Variants in ADAM20 observed in about 807,000 individuals in gnomAD.
ADAM20 encodes ADAM metallopeptidase domain 20, also known as disintegrin and metalloproteinase domain-containing protein 20.
For synonymous variants in ADAM20, 305 were observed against 310.2 expected (o/e 0.98, Z 0.18); for missense variants, 871 against 883.2 (o/e 0.99, Z 0.18).
the ADAM20 span, among the ~76,000 whole-genome samples, chr14:70,568,202 T>C: frequency 6.6e-6 from 1 of 152,224 alleles, no homozygotes. Context: ...TCCGCTCATA[T>C]GTTCAATACA....
chr14:70,566,736 T>C, the ADAM20 span, among the ~76,000 whole-genome samples: 8 of 152,156 alleles, frequency 5.3e-5, no homozygotes, highest in African/African-American at 1.9e-4. Context: ...TCACAGCATT[T>C]TGGGAGGCCG....
the ADAM20 span, among the ~76,000 whole-genome samples, chr14:70,545,977 C>CA: frequency 2.0e-5 from 3 of 152,086 alleles, no homozygotes; most frequent in Admixed American, 6.5e-5. Flanking sequence ...TGAAAACATT[C>CA]AAAAAACTGA....
chr14:70,569,366 T>C, the ADAM20 span, among the ~76,000 whole-genome samples: 2 of 152,076 alleles, frequency 1.3e-5, no homozygotes, highest in African/African-American at 4.8e-5. Context: ...ATTACACAAT[T>C]GAGACTACAA....
chr14:70,539,157 A>G (rs1883896137), upstream of ADAM20, among the ~76,000 whole-genome samples: 1 of 150,786 alleles, frequency 6.6e-6, no homozygotes, highest in Admixed American at 6.6e-5. Context: ...CACATCACCA[A>G]TTCCTGTAGG....
At chr14:70,524,958 T>C in intron 1 of ADAM20, 25 bp from the exon 2 acceptor site, 1 of 1,528,670 alleles carries the variant, frequency 6.5e-7, no homozygotes. Context: ...ATGGGGTGGG[T>C]GGGATAGAAA....
chr14:70,565,198 C>T, the ADAM20 span, among the ~76,000 whole-genome samples: 2 of 149,936 alleles, frequency 1.3e-5, no homozygotes, highest in African/African-American at 4.9e-5. Context: ...TTTGAAAACT[C>T]GAGGATGGGC....
At chr14:70,578,703 A>C in the ADAM20 span, among the ~76,000 whole-genome samples, 1 of 152,096 alleles carries the variant, frequency 6.6e-6, no homozygotes, top group African/African-American at 2.4e-5. Context: ...CCTGTTTTTT[A>C]AATTTTAGAT....
At chr14:70,555,477 C>G in the ADAM20 span, among the ~76,000 whole-genome samples, 1 of 152,178 alleles carries the variant, frequency 6.6e-6, no homozygotes, top group African/African-American at 2.4e-5. Flanking sequence ...ACACTATTTA[C>G]TGCAGGAATT....
At chr14:70,533,186 G>C (rs1485910102) in intron 1 of ADAM20, among the ~76,000 whole-genome samples, 4 of 152,196 alleles carry the variant, frequency 2.6e-5, no homozygotes, top group Admixed American at 2.6e-4. Flanking sequence ...GTGAAAGACA[G>C]TGTGGCAATT....
the ADAM20 span, among the ~76,000 whole-genome samples, chr14:70,572,646 C>T: frequency 2.6e-4 from 39 of 152,146 alleles, 1 homozygote; most frequent in Admixed American, 1.6e-3. Context: ...GAAACAGTTT[C>T]AACACAGTAA....
At position 70,524,455 on chromosome 14, in the gene ADAM20, A is replaced by G. The variant is rs749821155; in HGVS notation, c.303T>C (p.Asp101=). 2.5e-6 allele frequency: 4 copies of G among 1,614,010 alleles called. No homozygotes were observed. Among genetic ancestry groups the G allele is most frequent in the Non-Finnish European group, 3.4e-6 (4 of 1,179,932 alleles). ...TYTEQHALLQ[D]QPFIQDDCYY... ...AGCAGTCATCCTGGATGAAGGGCTG[A>G]TCCTGGAGCAGGGCATGCTGCTCTG... Residue 101 remains aspartate (D), a synonymous_variant, in exon 2 of 2, where the codon GAT becomes GAC. Transcript: ENST00000256389.
upstream of ADAM20, among the ~76,000 whole-genome samples, chr14:70,535,202 T>C (rs1005745651): frequency 6.6e-6 from 1 of 152,238 alleles, no homozygotes; most frequent in Non-Finnish European, 1.5e-5. Context: ...GCTAATTTAA[T>C]GTAAACTGGG....
rs371285304 is a variant in ADAM20 at position 70,523,710 on chromosome 14, T to C, written c.1048A>G (p.Met350Val). The stretch of plus-strand genomic sequence containing the variant: ...ACACACCACTGGGTGTCATGTTGCA[T>C]ACCCAAATTATGACCAAGCTCGTGG... ...LGHELGHNLG[M>V]QHDTQWCVCE... Residue 350 changes from methionine (M) to valine (V), a missense_variant, in exon 2 of 2, where the codon ATG (methionine) becomes GTG (valine). Coordinates refer to ENST00000256389, the MANE Select transcript of ADAM20 (RefSeq NM_003814.5). The C allele has an allele frequency of 3.7e-6, 6 of 1,613,974 alleles. No homozygotes were observed. The African/African-American group carries it at 8.0e-5, about 22-fold the overall frequency.
At chr14:70,531,471 A>G (rs1222044217) in intron 1 of ADAM20, among the ~76,000 whole-genome samples, 1 of 152,146 alleles carries the variant, frequency 6.6e-6, no homozygotes, top group Non-Finnish European at 1.5e-5. Context: ...TATCCATTTT[A>G]TCCACTTCTA....
chr14:70,525,205 T>A lies in ADAM20; in HGVS notation c.-176-272A>T, dbSNP rs546211742. Among the ~76,000 whole-genome samples, 17 of 152,236 alleles carry A rather than the reference T, an allele frequency of 1.1e-4. No individual in the cohort carries two copies. In the South Asian group the frequency reaches 1.2e-3, roughly 11 times the overall value. On this transcript the variant is annotated intron_variant, in intron 1 of 1. Transcript: ENST00000256389. Reference sequence around the variant, plus strand: ...ATTTTCCATTTTATTTTAATGTATGTATTTCTTTTATTATTTCCTTATTTT... The same window carrying A: ...ATTTTCCATTTTATTTTAATGTATGAATTTCTTTTATTATTTCCTTATTTT...
In ADAM20 at chr14:70,528,679, A is replaced by G. The variant is rs540489626; in HGVS notation, c.-176-3746T>C. Among the ~76,000 whole-genome samples the G allele has an allele frequency of 2.0e-4, 31 of 152,286 alleles. 1 individual carries two copies. In the South Asian group the frequency reaches 5.8e-3, roughly 28 times the overall value. On this transcript the variant is annotated intron_variant, in intron 1 of 1. Coordinates refer to ENST00000256389, the MANE Select transcript of ADAM20 (RefSeq NM_003814.5). ...GTCCAAGAAATGAGAGGCTTGGGAA[A>G]ATACACAAACCCAAACCTGGAAAGG...
intron 1 of ADAM20, among the ~76,000 whole-genome samples, chr14:70,528,652 T>C (rs1381858771): frequency 6.6e-6 from 1 of 152,038 alleles, no homozygotes; most frequent in East Asian, 1.9e-4. Context: ...ATGAAAGAAA[T>C]TGTCCAAGAA....
At chr14:70,572,215 A>G in the ADAM20 span, among the ~76,000 whole-genome samples, 1 of 152,010 alleles carries the variant, frequency 6.6e-6, no homozygotes, top group African/African-American at 2.4e-5. Context: ...CACATTACCC[A>G]AATTCAAATT....
chr14:70,573,471 T>C, the ADAM20 span, among the ~76,000 whole-genome samples: 17 of 152,060 alleles, frequency 1.1e-4, no homozygotes, highest in African/African-American at 4.1e-4. Flanking sequence ...AAACTACCTA[T>C]TGGGTACTAC....
Sources: gnomAD v4.1 joint callset for allele counts (sites outside exome capture counted in the v4.1 genomes callset) on GRCh38, gnomAD v4.1.1 for gene constraint, MANE v1.5 for transcripts, NCBI Gene and HGNC (gene_info 2026-07-23, HGNC 2026-07-21) for gene names.